LRRC56: variants seen among roughly 807,000 people sequenced by gnomAD.
The protein encoded by LRRC56 is leucine rich repeat containing 56, also known as leucine-rich repeat-containing protein 56.
LRRC56 carries 41 observed loss-of-function variants against 47.8 expected under a neutral mutation model. The ratio of observed to expected loss-of-function variants is 0.86; its 90% CI spans 0.67 to 1.11. The LOEUF (loss-of-function observed/expected upper bound fraction) is 1.11, where lower values mean the gene tolerates loss of function less well. Among genes scored for constraint, LRRC56 ranks in the 50% most tolerant of loss-of-function variants. LRRC56 has a pLI of 0.00. For synonymous variants in LRRC56, 387 were observed against 311.2 expected (o/e 1.24, Z -2.56); for missense variants, 759 against 704.2 (o/e 1.08, Z -0.88).
At chr11:526,325 C>T in the LRRC56 span, among the ~76,000 whole-genome samples, 2 of 152,180 alleles carry the variant, frequency 1.3e-5, no homozygotes, top group South Asian at 2.1e-4. Flanking sequence ...GGCCACCAGC[C>T]AACTGCAAAC....
the LRRC56 span, among the ~76,000 whole-genome samples, chr11:530,174 C>T: frequency 1.3e-5 from 2 of 152,170 alleles, no homozygotes; most frequent in Non-Finnish European, 2.9e-5. Context: ...GACCACAGCA[C>T]AGGCCCAGCC....
At chr11:516,125 G>A in the LRRC56 span, among the ~76,000 whole-genome samples, 5 of 152,120 alleles carry the variant, frequency 3.3e-5, no homozygotes, top group Non-Finnish European at 5.9e-5. Context: ...CAGGTGCAAA[G>A]GTTCACGCCT....
the LRRC56 span, among the ~76,000 whole-genome samples, chr11:508,533 G>T: frequency 1.3e-5 from 2 of 151,778 alleles, no homozygotes; most frequent in African/African-American, 4.8e-5. Flanking sequence ...TTGGGAGACC[G>T]AGAAGGGTGG....
chr11:549,048 C>T (rs1852231458), intron 6 of LRRC56, among the ~76,000 whole-genome samples: 2 of 152,082 alleles, frequency 1.3e-5, no homozygotes, highest in Non-Finnish European at 2.9e-5. Context: ...GACTCCACAG[C>T]GCGAAAGGAC....
chr11:540,252 G>A (rs545664331), intron 3 of LRRC56, among the ~76,000 whole-genome samples: 75 of 152,324 alleles, frequency 4.9e-4, no homozygotes, highest in African/African-American at 1.7e-3. Context: ...AGACCATCAG[G>A]TGGAGAAGGA....
intron 5 of LRRC56, among the ~76,000 whole-genome samples, chr11:543,490 T>C (rs1022267785): frequency 1.3e-5 from 2 of 151,484 alleles, no homozygotes; most frequent in African/African-American, 4.9e-5. Flanking sequence ...GCTGAGATTA[T>C]AGGTGTGAGC....
In LRRC56 at chr11:551,740, T is replaced by A. The variant is rs377662602; in HGVS notation, c.886T>A (p.Ser296Thr). ...CCGGGCCTCCAGGCCCTGGCCCTTC[T>A]CCCTGCTGGTCCGTGGGGGCCCCCT... Reference protein sequence around the residue: ...QSRASRPWPFSLLVRGGPLPE... With the variant: ...QSRASRPWPFTLLVRGGPLPE... The change falls in exon 10 of 14, where the codon TCC becomes ACC. Residue 296 changes from serine to threonine, a missense_variant. Coordinates refer to ENST00000270115, the MANE Select transcript of LRRC56 (RefSeq NM_198075.4). 17 of 1,611,302 alleles carry A rather than the reference T, an allele frequency of 1.1e-5. No individual in the cohort carries two copies. In the African/African-American group the frequency reaches 2.1e-4, roughly 20 times the overall value.
chr11:513,486 G>A, the LRRC56 span, among the ~76,000 whole-genome samples: 5 of 152,146 alleles, frequency 3.3e-5, no homozygotes, highest in South Asian at 2.1e-4. Flanking sequence ...TGGAATCTGC[G>A]CCTGGTGAAG....
the LRRC56 span, among the ~76,000 whole-genome samples, chr11:516,729 TAGTG>T: frequency 2.6e-5 from 4 of 152,218 alleles, no homozygotes; most frequent in Admixed American, 2.0e-4. Context: ...CTGAGCAACA[TAGTG>T]AGACCTGGTC....
intron 3 of LRRC56, 45 bp from the exon 4 acceptor site, chr11:540,628 AG>A: frequency 6.5e-7 from 1 of 1,543,478 alleles, no homozygotes; most frequent in East Asian, 2.3e-5. Flanking sequence ...GCTGCAGAGG[AG>A]GAGGAGCAAC....
At chr11:548,661 T>C (rs2134053574) in intron 6 of LRRC56, among the ~76,000 whole-genome samples, 1 of 152,126 alleles carries the variant, frequency 6.6e-6, no homozygotes, top group African/African-American at 2.4e-5. Context: ...GGTTTCACCG[T>C]GTTAACCAGG....
upstream of LRRC56, chr11:534,197 C>T (rs41258054): frequency 0.054 from 85,683 of 1,589,506 alleles, 3,457 homozygotes; most frequent in Admixed American, 0.17. Context: ...ACCTGGACGG[C>T]GGCGCCAGGC....
the LRRC56 span, among the ~76,000 whole-genome samples, chr11:527,225 C>T: frequency 1.3e-5 from 2 of 151,414 alleles, no homozygotes; most frequent in East Asian, 4.0e-4. Flanking sequence ...CACTTGAACC[C>T]AGGAGGTAGA....
the LRRC56 span, among the ~76,000 whole-genome samples, chr11:516,722 A>G: frequency 1.3e-5 from 2 of 152,252 alleles, no homozygotes; most frequent in African/African-American, 4.8e-5. Flanking sequence ...GAGGATTCTG[A>G]GCAACATAGT....
chr11:537,275 C>G (rs1196629626), upstream of LRRC56: 3 of 152,228 alleles, frequency 2.0e-5, no homozygotes, highest in Non-Finnish European at 4.4e-5. Flanking sequence ...AAGCTGGCAC[C>G]TGACGCGCCT....
the LRRC56 span, among the ~76,000 whole-genome samples, chr11:509,709 G>A: frequency 1.5e-4 from 22 of 147,790 alleles, no homozygotes; most frequent in South Asian, 6.4e-4. Flanking sequence ...CACCACGCCC[G>A]GCTAATTTTT....
intron 13 of LRRC56, among the ~76,000 whole-genome samples, chr11:553,542 T>G (rs991698087): frequency 3.3e-5 from 5 of 151,756 alleles, no homozygotes; most frequent in Non-Finnish European, 7.4e-5. Flanking sequence ...CAGGGCAGGG[T>G]CAGGACAAAG....
the LRRC56 span, among the ~76,000 whole-genome samples, chr11:526,293 G>A: frequency 2.0e-5 from 3 of 152,172 alleles, no homozygotes; most frequent in Non-Finnish European, 2.9e-5. Context: ...GGCACACAGC[G>A]CTAAGGAGAC....
the LRRC56 span, among the ~76,000 whole-genome samples, chr11:509,052 G>T: frequency 6.6e-6 from 1 of 151,570 alleles, no homozygotes; most frequent in African/African-American, 2.4e-5. Context: ...TCTCAAAAAA[G>T]AAAAAAGAAA....
Sources: gnomAD v4.1 joint callset for allele counts (sites outside exome capture counted in the v4.1 genomes callset) on GRCh38, gnomAD v4.1.1 for gene constraint, MANE v1.5 for transcripts, NCBI Gene and HGNC (gene_info 2026-07-23, HGNC 2026-07-21) for gene names.